Variants in PDE4B observed in about 807,000 individuals in gnomAD.
The protein encoded by PDE4B is phosphodiesterase 4B.
Under a neutral mutation model 82.2 loss-of-function variants are expected in PDE4B, and 20 were observed. That is an observed-to-expected ratio of 0.24 (90% CI 0.17 to 0.35). The LOEUF (loss-of-function observed/expected upper bound fraction) is 0.35, where lower values mean the gene tolerates loss of function less well. Among genes scored for constraint, PDE4B ranks in the 10% least tolerant of loss-of-function variants. PDE4B has a pLI of 1.00. For synonymous variants in PDE4B, 320 were observed against 318.9 expected (o/e 1.00, Z -0.04); for missense variants, 655 against 907.2 (o/e 0.72, Z 3.57).
chr1:66,212,760 C>G (rs1650164241), intron 3 of PDE4B, among the ~76,000 whole-genome samples: 1 of 152,126 alleles, frequency 6.6e-6, no homozygotes, highest in African/African-American at 2.4e-5. Context: ...ATATATGCTC[C>G]CTGAGATCTG....
chr1:66,100,733 T>C (rs1015600001), intron 3 of PDE4B, among the ~76,000 whole-genome samples: 5 of 152,198 alleles, frequency 3.3e-5, no homozygotes, highest in African/African-American at 1.2e-4. Context: ...GCCTAATGCC[T>C]TTACTATTAA....
chr1:66,073,772 T>C (rs1265123076), intron 3 of PDE4B, among the ~76,000 whole-genome samples: 1 of 152,162 alleles, frequency 6.6e-6, no homozygotes, highest in African/African-American at 2.4e-5. Context: ...CTGTGGACCA[T>C]ATTTGAACAC....
intron 3 of PDE4B, among the ~76,000 whole-genome samples, chr1:66,076,777 T>C (rs1318008289): frequency 6.6e-6 from 1 of 152,204 alleles, no homozygotes; most frequent in East Asian, 1.9e-4. Context: ...TGATGAGCAT[T>C]TCTTCATATG....
rs536661679 is a variant in PDE4B, at chr1:66,058,386, C to T, written c.281+139551C>T. On this transcript the variant is annotated intron_variant, in intron 3 of 16. Coordinates refer to ENST00000341517, the MANE Select transcript of PDE4B (RefSeq NM_002600.4). ...TTCTACCACTCTGTTGTCTAGAGGA[C>T]GGTGTCCCTCTTCTCACAGCTCCAA... Among the ~76,000 whole-genome samples the T allele has an allele frequency of 8.5e-4, 129 of 152,300 alleles. 1 individual carries two copies. The highest frequency in any genetic ancestry group is 2.8e-3 in the African/African-American group (115 of 41,566).
At chr1:65,932,570 A>G (rs1647899214) in intron 3 of PDE4B, among the ~76,000 whole-genome samples, 3 of 152,186 alleles carry the variant, frequency 2.0e-5, no homozygotes, top group African/African-American at 7.2e-5. Flanking sequence ...GAAAATAAAA[A>G]TAACATGGAA....
chr1:66,267,602 T>C (rs1655149218), intron 7 of PDE4B: 1 of 152,228 alleles, frequency 6.6e-6, no homozygotes, highest in Non-Finnish European at 1.5e-5. Flanking sequence ...GCACAGCAAC[T>C]ACAGCTTGAC....
chr1:66,204,568 T>A (rs1275138128), intron 3 of PDE4B, among the ~76,000 whole-genome samples: 1 of 152,190 alleles, frequency 6.6e-6, no homozygotes, highest in Non-Finnish European at 1.5e-5. Flanking sequence ...TCCCCCAGCC[T>A]CACTGCCACC....
chr1:65,919,702 G>C (rs7537390), intron 3 of PDE4B, among the ~76,000 whole-genome samples: 72,035 of 151,912 alleles, frequency 0.47, 17,462 homozygotes, highest in South Asian at 0.66. Flanking sequence ...CAACATTATT[G>C]TAGTAAATTA....
intron 7 of PDE4B, among the ~76,000 whole-genome samples, chr1:66,314,259 A>G (rs910973398): frequency 2.0e-5 from 3 of 152,090 alleles, no homozygotes; most frequent in Non-Finnish European, 4.4e-5. Context: ...GCCATCTTAC[A>G]TCCTCCTGCC....
At chr1:66,253,849 A>C (rs1653978963) in intron 4 of PDE4B, among the ~76,000 whole-genome samples, 1 of 152,232 alleles carries the variant, frequency 6.6e-6, no homozygotes, top group South Asian at 2.1e-4. Flanking sequence ...AAGGGAACCA[A>C]TGCTGGGCAT....
intron 1 of PDE4B, among the ~76,000 whole-genome samples, chr1:65,830,555 C>T (rs1646070862): frequency 6.6e-6 from 1 of 152,188 alleles, no homozygotes. Flanking sequence ...TGGCCTTCTT[C>T]TCCAAAACAC....
chr1:66,162,108 T>C (rs1646625629), intron 3 of PDE4B, among the ~76,000 whole-genome samples: 1 of 152,058 alleles, frequency 6.6e-6, no homozygotes, highest in Non-Finnish European at 1.5e-5. Flanking sequence ...GTCACCTATT[T>C]GATGTTGATT....
At chr1:66,109,141 A>T (rs1317320913) in intron 3 of PDE4B, among the ~76,000 whole-genome samples, 2 of 152,082 alleles carry the variant, frequency 1.3e-5, no homozygotes, top group African/African-American at 4.8e-5. Context: ...CTGTTGTATA[A>T]TGCCATGGTA....
At chr1:66,053,679 T>A (rs1484395501) in intron 3 of PDE4B, among the ~76,000 whole-genome samples, 1 of 151,948 alleles carries the variant, frequency 6.6e-6, no homozygotes, top group East Asian at 1.9e-4. Context: ...ACCAACATGG[T>A]GAAACCCCAT....
At chr1:66,086,661 G>A (rs1456728185) in intron 3 of PDE4B, among the ~76,000 whole-genome samples, 1 of 151,914 alleles carries the variant, frequency 6.6e-6, no homozygotes, top group Non-Finnish European at 1.5e-5. Context: ...TTGTTTCTGC[G>A]AACCTTAACC....
chr1:66,149,632 T>C (rs1646351683), intron 3 of PDE4B, among the ~76,000 whole-genome samples: 1 of 152,156 alleles, frequency 6.6e-6, no homozygotes, highest in African/African-American at 2.4e-5. Context: ...GATGGGAGGA[T>C]AGCTTGAAGG....
chr1:65,995,453 A>T (rs531568359), intron 3 of PDE4B, among the ~76,000 whole-genome samples: 2 of 152,256 alleles, frequency 1.3e-5, no homozygotes, highest in South Asian at 2.1e-4. Flanking sequence ...CTCTAGCCTA[A>T]TGCTTCATGC....
intron 3 of PDE4B, among the ~76,000 whole-genome samples, chr1:66,090,343 G>T (rs2100989206): frequency 6.6e-6 from 1 of 151,868 alleles, no homozygotes; most frequent in East Asian, 1.9e-4. Flanking sequence ...TTCTAAATAG[G>T]TTTAGATAGA....
chr1:65,939,034 G>T (rs563235629), intron 3 of PDE4B, among the ~76,000 whole-genome samples: 1 of 152,274 alleles, frequency 6.6e-6, no homozygotes, highest in South Asian at 2.1e-4. Context: ...CAGGACAAAA[G>T]CAGTGAGAAT....
Sources: gnomAD v4.1 joint callset for allele counts (sites outside exome capture counted in the v4.1 genomes callset) on GRCh38, gnomAD v4.1.1 for gene constraint, MANE v1.5 for transcripts, NCBI Gene and HGNC (gene_info 2026-07-23, HGNC 2026-07-21) for gene names.